GCC2: variants seen among roughly 807,000 people sequenced by gnomAD.
The protein encoded by GCC2 is GRIP and coiled-coil domain containing 2, also known as GRIP and coiled-coil domain-containing protein 2.
GCC2 carries 120 observed loss-of-function variants against 210.6 expected under a neutral mutation model. The observed-to-expected ratio is 0.57, with a 90% CI of 0.49 to 0.66. The LOEUF (loss-of-function observed/expected upper bound fraction) is 0.66. Among genes scored for constraint, GCC2 ranks in the 30% least tolerant of loss-of-function variants. GCC2 has a pLI of 0.00. For synonymous variants in GCC2, 703 were observed against 652.7 expected (o/e 1.08, Z -1.17); for missense variants, 1,868 against 1,871.9 (o/e 1.00, Z 0.04).
chr2:108,462,466 C>T (rs1240959046), intron 4 of GCC2: 3 of 147,326 alleles, frequency 2.0e-5, no homozygotes, highest in Non-Finnish European at 4.5e-5. Context: ...TGCACTCCAG[C>T]CTGGGGGGCA....
intron 18 of GCC2, 66 bp downstream of exon 18, chr2:108,490,080 T>C (rs759846396): frequency 1.7e-5 from 19 of 1,106,140 alleles, no homozygotes; most frequent in Non-Finnish European, 2.4e-5. Context: ...AAACTTCTAA[T>C]ATGTTGATCC....
At position 108,483,091 on chromosome 2, in the gene GCC2, A is replaced by G. The variant is rs765054604; in HGVS notation, c.3375A>G (p.Glu1125=). Residue 1125 remains glutamate, a synonymous_variant, in exon 12 of 23, where the codon GAA becomes GAG. Coordinates refer to ENST00000309863, the MANE Select transcript of GCC2 (RefSeq NM_181453.4). ...KEHATTVNEL[E]ELQVQLQKQK... ...ATGCCACTACTGTAAATGAACTTGAAGAACTTCAGGTACAACTTCAAAAGC... is the reference window on the plus strand; with the variant it reads ...ATGCCACTACTGTAAATGAACTTGAGGAACTTCAGGTACAACTTCAAAAGC... The G allele has an allele frequency of 1.3e-6, 2 of 1,590,278 alleles. No homozygotes were observed. The highest frequency in any genetic ancestry group is 8.6e-7 in the Non-Finnish European group (1 of 1,158,492).
chr2:108,464,891 A>C (rs1460362100), intron 4 of GCC2, among the ~76,000 whole-genome samples: 2 of 152,124 alleles, frequency 1.3e-5, no homozygotes, highest in African/African-American at 4.8e-5. Context: ...GGCCTCCAGG[A>C]GGTTTTATTT....
intron 7 of GCC2, among the ~76,000 whole-genome samples, chr2:108,473,994 A>G (rs938364480): frequency 8.0e-6 from 1 of 124,702 alleles, no homozygotes; most frequent in African/African-American, 2.6e-5. Flanking sequence ...TCTACTAAAA[A>G]TCAAAAAAAA....
Position 108,493,085 on chromosome 2 carries a change from G to A in GCC2, c.4447+295G>A, listed in dbSNP as rs567895576. Among the ~76,000 whole-genome samples, 4 of 152,180 alleles carry A rather than the reference G, an allele frequency of 2.6e-5. No homozygotes were observed. The South Asian group carries it at 8.3e-4, about 32-fold the overall frequency. On this transcript the variant is annotated intron_variant, in intron 19 of 22. Transcript: ENST00000309863. ...TCTCTGACTTAAACATCCTCTGTCA[G>A]TCTCGTGACATGTCTTTTTTTTGAG...
intron 19 of GCC2, chr2:108,493,779 A>G: frequency 8.1e-6 from 8 of 985,468 alleles, no homozygotes; most frequent in African/African-American, 3.5e-5. Flanking sequence ...AACATATGCC[A>G]AAGAATCAAC....
intron 7 of GCC2, chr2:108,475,157 A>G (rs1681443109): frequency 6.3e-6 from 1 of 158,490 alleles, no homozygotes; most frequent in African/African-American, 2.4e-5. Context: ...TATGGAGCAT[A>G]AATGTTGATC....
At chr2:108,464,782 C>T (rs1197005458) in intron 4 of GCC2, among the ~76,000 whole-genome samples, 3 of 151,976 alleles carry the variant, frequency 2.0e-5, no homozygotes, top group African/African-American at 7.3e-5. Flanking sequence ...GGGATGGAGA[C>T]CTGAGACTGG....
At chr2:108,496,839 G>C in intron 20 of GCC2, 131 bp from the exon 21 acceptor site, 2 of 1,247,986 alleles carry the variant, frequency 1.6e-6, no homozygotes, top group Admixed American at 2.6e-5. Flanking sequence ...ATGCCGAATA[G>C]ATGAATGGCA....
rs1256851996 is a variant in GCC2 at position 108,507,915 on chromosome 2, C to T, written c.*285C>T. ...AATTCACTCCCCACTTCTCTGGAAC[C>T]TCAGGACCCGCCCATTTCTCGGCAG... On this transcript the variant is annotated 3_prime_UTR_variant, in exon 23 of 23. Transcript: ENST00000309863. 1 of 267,526 alleles carries T rather than the reference C, an allele frequency of 3.7e-6. No homozygotes were observed. Among genetic ancestry groups the T allele is most frequent in the Non-Finnish European group, 7.4e-6 (1 of 134,274 alleles). The allele number at this position is 267,526 out of a possible 1,614,324, so 16.6% of individuals were successfully genotyped here. A position where few individuals can be genotyped will look rare whatever the true frequency, so the allele number is the denominator to read the frequency against.
intron 18 of GCC2, among the ~76,000 whole-genome samples, chr2:108,490,911 T>A (rs1435601554): frequency 6.6e-6 from 1 of 152,148 alleles, no homozygotes; most frequent in Non-Finnish European, 1.5e-5. Context: ...TCAGTAAGTG[T>A]TTTTTGAGCA....
In GCC2 at chr2:108,470,606, TAC is replaced by T; in HGVS notation, c.1279_1280del (p.Gln427GlufsTer3). On this transcript the variant is annotated frameshift_variant, in exon 6 of 23. Transcript: ENST00000309863. LOFTEE classifies it high-confidence loss of function. Reference sequence around the variant, plus strand: ...ACTGTAGAACAGCATAACAGAGAAGTACAGAGTCTTAAGGAACAACATCAAAA... The same window carrying T: ...ACTGTAGAACAGCATAACAGAGAAGTAGAGTCTTAAGGAACAACATCAAAA... 2.5e-6 allele frequency: 4 copies of T among 1,611,732 alleles called. No individual in the cohort carries two copies. The highest frequency in any genetic ancestry group is 3.4e-6 in the Non-Finnish European group (4 of 1,178,552).
At chr2:108,481,660 A>C (rs775270741) in intron 9 of GCC2, 37 bp from the exon 10 acceptor site, 1 of 1,542,184 alleles carries the variant, frequency 6.5e-7, no homozygotes, top group Non-Finnish European at 8.8e-7. Flanking sequence ...TTGAATGCAA[A>C]ATTATATACC....
At chr2:108,506,803 AAAT>A (rs532129500) in intron 22 of GCC2, among the ~76,000 whole-genome samples, 5 of 152,330 alleles carry the variant, frequency 3.3e-5, no homozygotes, top group Admixed American at 3.3e-4. Context: ...GGAGAAAGAC[AAAT>A]AATGTTCGAG....
At chr2:108,484,470 G>GT in intron 13 of GCC2, 159 bp downstream of exon 13, 2 of 471,210 alleles carry the variant, frequency 4.2e-6, no homozygotes, top group Non-Finnish European at 7.7e-6. Flanking sequence ...GTGTAAAACT[G>GT]TTTGCCATTA....
At chr2:108,488,091 G>C (rs898954900) in intron 17 of GCC2, among the ~76,000 whole-genome samples, 4 of 151,784 alleles carry the variant, frequency 2.6e-5, no homozygotes, top group South Asian at 2.1e-4. Context: ...TTTTTTATTA[G>C]AGACGGGGTT....
At chr2:108,497,163 C>A (rs1479725848) in intron 21 of GCC2, 54 bp downstream of exon 21, 4 of 1,610,888 alleles carry the variant, frequency 2.5e-6, no homozygotes, top group African/African-American at 2.7e-5. Flanking sequence ...TTTTCTTGAC[C>A]CTCCATACAC....
chr2:108,469,018 A>G lies in GCC2; in HGVS notation c.255A>G (p.Lys85=), dbSNP rs778787954. ...TERLDALLLE[K]AETEQQCLSL... ...GTCTGGATGCTCTTCTTCTGGAAAAAGCAGAGACTGAGCAACAGTGTCTTT... is the reference window on the plus strand; with the variant it reads ...GTCTGGATGCTCTTCTTCTGGAAAAGGCAGAGACTGAGCAACAGTGTCTTT... Residue 85 remains lysine (K), a synonymous_variant, in exon 5 of 23, where the codon AAA becomes AAG. Coordinates refer to ENST00000309863, the MANE Select transcript of GCC2 (RefSeq NM_181453.4). 2.7e-5 allele frequency: 43 copies of G among 1,613,018 alleles called. No homozygotes were observed. Among genetic ancestry groups the G allele is most frequent in the Non-Finnish European group, 3.5e-5 (41 of 1,179,214 alleles).
At chr2:108,507,529 TTTC>T in intron 22 of GCC2, 28 bp from the exon 23 acceptor site, 1 of 1,454,588 alleles carries the variant, frequency 6.9e-7, no homozygotes. Flanking sequence ...TTCTTTTATT[TTTC>T]TTTTTTTTTT....
Sources: allele counts gnomAD v4.1 joint callset (sites outside exome capture counted in the v4.1 genomes callset), GRCh38; gene constraint gnomAD v4.1.1; transcripts MANE v1.5; gene names NCBI Gene and HGNC (gene_info 2026-07-23, HGNC 2026-07-21).